SLA: variants seen among roughly 807,000 people sequenced by gnomAD.
SLA encodes the protein Src like adaptor, also known as src-like-adapter.
Under a neutral mutation model 30.3 loss-of-function variants are expected in SLA, and 16 were observed. The observed-to-expected ratio is 0.53, with a 90% CI of 0.36 to 0.80. The LOEUF (loss-of-function observed/expected upper bound fraction) is 0.80, where lower values mean the gene tolerates loss of function less well. Ranked by LOEUF, SLA falls within the 30% of genes least tolerant of loss-of-function variation. The pLI is 0.01. For synonymous variants in SLA, 143 were observed against 137.8 expected (o/e 1.04, Z -0.26); for missense variants, 310 against 345.2 (o/e 0.90, Z 0.81).
At chr8:133,043,393 A>G (rs947873847) in intron 7 of SLA, among the ~76,000 whole-genome samples, 2 of 152,162 alleles carry the variant, frequency 1.3e-5, no homozygotes, top group Non-Finnish European at 2.9e-5. Flanking sequence ...ACCTTTTCTC[A>G]TAACCAATAT....
chr8:133,058,729 G>A (rs1187908068), intron 3 of SLA, among the ~76,000 whole-genome samples: 1 of 152,240 alleles, frequency 6.6e-6, no homozygotes, highest in Middle Eastern at 3.2e-3. Flanking sequence ...ACGCTGTTCT[G>A]AGTGTCGCAT....
chr8:133,039,790 C>G (rs570386527), intron 8 of SLA, among the ~76,000 whole-genome samples: 10 of 152,314 alleles, frequency 6.6e-5, no homozygotes, highest in Non-Finnish European at 1.5e-4. Context: ...CCACACACCT[C>G]GTGAGGCCTG....
intron 3 of SLA, among the ~76,000 whole-genome samples, chr8:133,053,047 T>C (rs763402494): frequency 3.4e-4 from 51 of 152,206 alleles, no homozygotes; most frequent in Middle Eastern, 3.2e-3. Flanking sequence ...TTTCTCCAAC[T>C]TGCCAGGCAC....
chr8:133,089,302 T>G (rs978085020), intron 1 of SLA, among the ~76,000 whole-genome samples: 16 of 152,168 alleles, frequency 1.1e-4, no homozygotes, highest in African/African-American at 3.9e-4. Context: ...GAGGAATAAC[T>G]ACCTCCCAAC....
chr8:133,091,891 A>G (rs187567725), intron 1 of SLA, among the ~76,000 whole-genome samples: 15 of 151,326 alleles, frequency 9.9e-5, no homozygotes, highest in Admixed American at 8.5e-4. Flanking sequence ...GTGTGTCTCT[A>G]TCTATGACTG....
intron 2 of SLA, among the ~76,000 whole-genome samples, chr8:133,066,983 T>C (rs1480940549): frequency 6.6e-6 from 1 of 152,210 alleles, no homozygotes; most frequent in Non-Finnish European, 1.5e-5. Context: ...CAGTTGGTCA[T>C]GGCTCTTTTG....
At chr8:133,076,469 A>G (rs1362441773) in intron 1 of SLA, among the ~76,000 whole-genome samples, 1 of 152,214 alleles carries the variant, frequency 6.6e-6, no homozygotes, top group Non-Finnish European at 1.5e-5. Flanking sequence ...CAAGAAGAGC[A>G]TGCTGGGAAG....
At chr8:133,053,414 G>A (rs915800772) in intron 3 of SLA, among the ~76,000 whole-genome samples, 40 of 152,158 alleles carry the variant, frequency 2.6e-4, no homozygotes, top group African/African-American at 8.9e-4. Context: ...TGTGCAGAGC[G>A]GTCCCTGTGC....
At chr8:133,102,473 A>T (rs1339325589) in intron 1 of SLA, 80 bp downstream of exon 1, 7 of 1,302,668 alleles carry the variant, frequency 5.4e-6, no homozygotes, top group African/African-American at 1.5e-5. Context: ...AGTCCCTCTG[A>T]AGACCCTCCC....
At chr8:133,077,868 C>G (rs931144421) in intron 1 of SLA, among the ~76,000 whole-genome samples, 1 of 151,934 alleles carries the variant, frequency 6.6e-6, no homozygotes, top group Non-Finnish European at 1.5e-5. Context: ...AGGAGCCCCC[C>G]GCACCCCTCC....
chr8:133,098,211 A>G (rs891867802), intron 1 of SLA, among the ~76,000 whole-genome samples: 4 of 152,216 alleles, frequency 2.6e-5, no homozygotes, highest in Admixed American at 1.3e-4. Context: ...TAAAACAGGG[A>G]TCCTCAAGTT....
intron 1 of SLA, among the ~76,000 whole-genome samples, chr8:133,101,464 C>T (rs979402070): frequency 6.6e-5 from 10 of 152,194 alleles, no homozygotes; most frequent in Non-Finnish European, 1.0e-4. Flanking sequence ...CTGAAGATGG[C>T]AGGTTCTGGA....
intron 1 of SLA, among the ~76,000 whole-genome samples, chr8:133,097,157 T>C (rs1848548705): frequency 6.6e-6 from 1 of 152,204 alleles, no homozygotes; most frequent in African/African-American, 2.4e-5. Context: ...ATGCATGACA[T>C]GGGTCTCTGT....
At chr8:133,075,487 G>A (rs930719460) in intron 1 of SLA, among the ~76,000 whole-genome samples, 20 of 152,216 alleles carry the variant, frequency 1.3e-4, no homozygotes, top group African/African-American at 4.3e-4. Context: ...TGAGATGGCA[G>A]TTGTTTGAAT....
chr8:133,044,449 G>A (rs1838916546), intron 7 of SLA, among the ~76,000 whole-genome samples: 1 of 152,120 alleles, frequency 6.6e-6, no homozygotes, highest in Non-Finnish European at 1.5e-5. Flanking sequence ...AGCCTGTTGA[G>A]GAATACAGCC....
chr8:133,070,798 C>A (rs943241376), intron 2 of SLA, among the ~76,000 whole-genome samples: 5 of 152,212 alleles, frequency 3.3e-5, no homozygotes, highest in African/African-American at 1.2e-4. Flanking sequence ...GGTGTGCACA[C>A]TGGCCCGTGT....
chr8:133,094,818 CA>C, intron 1 of SLA: 1 of 624,394 alleles, frequency 1.6e-6, no homozygotes, highest in Non-Finnish European at 2.9e-6. Flanking sequence ...CCTCACTTCA[CA>C]GGTTAGGAAA....
At chr8:133,059,645 G>T (rs919249619) in intron 3 of SLA, among the ~76,000 whole-genome samples, 7 of 152,110 alleles carry the variant, frequency 4.6e-5, no homozygotes, top group Admixed American at 2.6e-4. Context: ...GCCTAGCTTA[G>T]AAAAGTAACA....
chr8:133,069,667 A>G (rs1240234293), intron 2 of SLA, among the ~76,000 whole-genome samples: 3 of 152,146 alleles, frequency 2.0e-5, no homozygotes, highest in Non-Finnish European at 4.4e-5. Flanking sequence ...GCTGGGGCTC[A>G]GTAGATGCTC....
Sources: gnomAD v4.1 joint callset for allele counts (sites outside exome capture counted in the v4.1 genomes callset) on GRCh38, gnomAD v4.1.1 for gene constraint, MANE v1.5 for transcripts, NCBI Gene and HGNC (gene_info 2026-07-23, HGNC 2026-07-21) for gene names.